CPEB3: variants seen among roughly 807,000 people sequenced by gnomAD.
The protein encoded by CPEB3 is cytoplasmic polyadenylation element binding protein 3.
CPEB3 carries 20 observed loss-of-function variants against 67.2 expected under a neutral mutation model. The observed-to-expected ratio is 0.30, with a 90% confidence interval of 0.21 to 0.43. The LOEUF is 0.43. CPEB3 is among the 20% of genes least tolerant of loss of function. The probability of loss-of-function intolerance (pLI) is 1.00; values close to 1 mark genes in which losing one functional copy is unlikely to be tolerated. For synonymous variants in CPEB3, 376 were observed against 393.1 expected, an observed-to-expected ratio of 0.96 and a Z score of 0.51; for missense variants, 746 against 968.6, an observed-to-expected ratio of 0.77 and a Z score of 3.05.
intron 6 of CPEB3, among the ~76,000 whole-genome samples, chr10:92,127,275 CTAAA>C (rs1258230037): frequency 6.6e-6 from 1 of 152,032 alleles, no homozygotes; most frequent in Non-Finnish European, 1.5e-5. Context: ...TCTCTACTAA[CTAAA>C]TAAGTAAGTA....
At chr10:92,202,947 CTT>C (rs558484576) in intron 2 of CPEB3, among the ~76,000 whole-genome samples, 1 of 142,402 alleles carries the variant, frequency 7.0e-6, no homozygotes, top group Admixed American at 7.1e-5. Flanking sequence ...TATTTTTAAG[CTT>C]TTTTTTTTTT....
intron 4 of CPEB3, among the ~76,000 whole-genome samples, chr10:92,151,154 G>T (rs1251287617): frequency 1.3e-5 from 2 of 152,132 alleles, no homozygotes; most frequent in Non-Finnish European, 1.5e-5. Context: ...TCCCCAGAAG[G>T]CTCCCTTTCC....
chr10:92,099,755 T>C (rs915909478), intron 7 of CPEB3, among the ~76,000 whole-genome samples: 17 of 150,580 alleles, frequency 1.1e-4, no homozygotes, highest in Non-Finnish European at 2.1e-4. Flanking sequence ...TCCCAGCTTC[T>C]CGGGAGGCTG....
intron 1 of CPEB3, among the ~76,000 whole-genome samples, chr10:92,271,093 G>A (rs1308920860): frequency 6.6e-6 from 1 of 152,112 alleles, no homozygotes; most frequent in Non-Finnish European, 1.5e-5. Context: ...CGAGGCAGGA[G>A]AATCGCTTGA....
intron 9 of CPEB3, among the ~76,000 whole-genome samples, chr10:92,055,275 A>G (rs141030984): frequency 6.6e-6 from 1 of 152,326 alleles, no homozygotes; most frequent in Non-Finnish European, 1.5e-5. Flanking sequence ...TGAGGGATCT[A>G]GTCTACACAG....
At chr10:92,216,883 C>G (rs368756959) in intron 2 of CPEB3, 20 of 1,191,678 alleles carry the variant, frequency 1.7e-5, no homozygotes, top group African/African-American at 3.0e-5. Flanking sequence ...CCCACACTGA[C>G]GGCATCTTCC....
chr10:92,152,068 C>G (rs1334660731), intron 4 of CPEB3, among the ~76,000 whole-genome samples: 2 of 152,156 alleles, frequency 1.3e-5, no homozygotes, highest in African/African-American at 4.8e-5. Context: ...AGTTCAAAAT[C>G]CTTACCAGGA....
chr10:92,285,208 T>G lies in CPEB3; in HGVS notation c.-12+5718A>C, dbSNP rs531637321. On this transcript the variant is annotated intron_variant, in intron 1 of 9. Coordinates refer to ENST00000265997, the MANE Select transcript of CPEB3 (RefSeq NM_014912.5). Reference sequence around the variant, plus strand: ...TCATGAGGGCAGAGCCCTCACAACCTCATCACCTCTTAATAATCCCATCTC... The same window carrying G: ...TCATGAGGGCAGAGCCCTCACAACCGCATCACCTCTTAATAATCCCATCTC... Among the ~76,000 whole-genome samples, 17 of 152,360 alleles carry G rather than the reference T, an allele frequency of 1.1e-4. No homozygotes were observed. The South Asian group carries it at 2.5e-3, about 22-fold the overall frequency.
At chr10:92,114,435 G>A (rs577202539) in intron 6 of CPEB3, among the ~76,000 whole-genome samples, 1 of 152,340 alleles carries the variant, frequency 6.6e-6, no homozygotes, top group East Asian at 1.9e-4. Flanking sequence ...TCCAATCAAT[G>A]ATTTACTAAA....
At chr10:92,067,226 C>T (rs917274751) in intron 9 of CPEB3, among the ~76,000 whole-genome samples, 6 of 152,030 alleles carry the variant, frequency 3.9e-5, no homozygotes, top group African/African-American at 1.2e-4. Context: ...GGTGGCCAGG[C>T]GCAGTGGCAC....
chr10:92,170,184 T>C (rs746721794), intron 4 of CPEB3, among the ~76,000 whole-genome samples: 1 of 152,182 alleles, frequency 6.6e-6, no homozygotes, highest in South Asian at 2.1e-4. Flanking sequence ...TCCTGTCTTG[T>C]ACAAAATGCA....
At chr10:92,186,170 G>C (rs1848677925) in intron 3 of CPEB3, among the ~76,000 whole-genome samples, 1 of 139,066 alleles carries the variant, frequency 7.2e-6, no homozygotes, top group Admixed American at 7.9e-5. Flanking sequence ...TCAGGAGTTA[G>C]AGACCAGCCT....
intron 9 of CPEB3, among the ~76,000 whole-genome samples, 199 bp from the exon 10 acceptor site, chr10:92,052,638 A>G (rs1022159436): frequency 7.9e-5 from 12 of 152,226 alleles, no homozygotes; most frequent in Non-Finnish European, 1.8e-4. Context: ...TATTAGACAA[A>G]TTCTTAAAAT....
intron 9 of CPEB3, among the ~76,000 whole-genome samples, chr10:92,065,116 T>G (rs994396167): frequency 1.6e-4 from 25 of 152,354 alleles, no homozygotes; most frequent in African/African-American, 6.0e-4. Context: ...CAGAGCTCAC[T>G]GCCATGATAG....
chr10:92,173,964 G>A (rs966899987), intron 4 of CPEB3, among the ~76,000 whole-genome samples: 10 of 152,136 alleles, frequency 6.6e-5, no homozygotes, highest in African/African-American at 1.7e-4. Context: ...TCTGAATCTT[G>A]TCTTCAAAAA....
intron 8 of CPEB3, among the ~76,000 whole-genome samples, chr10:92,082,403 C>T (rs1303063029): frequency 2.6e-5 from 4 of 151,812 alleles, no homozygotes; most frequent in Admixed American, 6.6e-5. Context: ...CTCAGCCTCC[C>T]GAGTAGCTGG....
intron 1 of CPEB3, among the ~76,000 whole-genome samples, chr10:92,258,481 T>C (rs1852621389): frequency 6.6e-6 from 1 of 151,630 alleles, no homozygotes; most frequent in East Asian, 1.9e-4. Flanking sequence ...ATAAATTAAA[T>C]ACTTATAGCT....
chr10:92,162,256 C>T (rs1471885475), intron 4 of CPEB3, among the ~76,000 whole-genome samples: 1 of 151,814 alleles, frequency 6.6e-6, no homozygotes, highest in Non-Finnish European at 1.5e-5. Context: ...CCTTGGCTAG[C>T]GATAGTAACC....
chr10:92,274,188 G>A (rs920385354), intron 1 of CPEB3, among the ~76,000 whole-genome samples: 9 of 152,126 alleles, frequency 5.9e-5, no homozygotes, highest in African/African-American at 1.9e-4. Context: ...TTGTCGTCAC[G>A]ATCTGAGATA....
Sources: gnomAD v4.1 joint callset for allele counts (sites outside exome capture counted in the v4.1 genomes callset) on GRCh38, gnomAD v4.1.1 for gene constraint, MANE v1.5 for transcripts, NCBI Gene and HGNC (gene_info 2026-07-23, HGNC 2026-07-21) for gene names.